RSPO3: variants seen among roughly 807,000 people sequenced by gnomAD.
The protein encoded by RSPO3 is R-spondin 3, also known as R-spondin-3.
Under a neutral mutation model 36.5 loss-of-function variants are expected in RSPO3, and 17 were observed. That is an observed-to-expected ratio of 0.47 (90% confidence interval 0.32 to 0.70). RSPO3 has a LOEUF of 0.70. RSPO3 is among the 30% of genes least tolerant of loss of function. RSPO3 has a pLI of 0.04. For missense variants in RSPO3, 294 were observed against 322.5 expected, an observed-to-expected ratio of 0.91 and a Z score of 0.68; for synonymous variants, 108 against 107.0, an observed-to-expected ratio of 1.01 and a Z score of -0.06.
At chr6:127,120,951 C>G (rs566996069) in intron 1 of RSPO3, among the ~76,000 whole-genome samples, 10 of 152,384 alleles carry the variant, frequency 6.6e-5, no homozygotes, top group African/African-American at 2.2e-4. Flanking sequence ...CTGGCGGTCC[C>G]CGCCTCCTCT....
chr6:127,148,987 C>A, intron 2 of RSPO3, 148 bp downstream of exon 2: 1 of 648,796 alleles, frequency 1.5e-6, no homozygotes, highest in Non-Finnish European at 2.4e-6. Context: ...GGACTTAACC[C>A]TCAGAACCAG....
intron 1 of RSPO3, among the ~76,000 whole-genome samples, chr6:127,130,268 CT>C (rs1233122701): frequency 1.8e-4 from 28 of 152,226 alleles, no homozygotes; most frequent in Middle Eastern, 3.4e-3. Flanking sequence ...TACTCCATCA[CT>C]TTATGTAACG....
Position 127,197,473 on chromosome 6 carries a change from G to T in RSPO3, c.*1466G>T. On this transcript the variant is annotated 3_prime_UTR_variant, in exon 5 of 5. Transcript: ENST00000356698. Reference sequence around the variant, plus strand: ...AAGGCCTCACCAGTGTTTCACAGAGGACACAGCCCACCCCTTGCAGGAGGA... The same window carrying T: ...AAGGCCTCACCAGTGTTTCACAGAGTACACAGCCCACCCCTTGCAGGAGGA... 2 of 1,550,564 alleles carry T rather than the reference G, an allele frequency of 1.3e-6. No individual in the cohort carries two copies. The highest frequency in any genetic ancestry group is 1.7e-6 in the Non-Finnish European group (2 of 1,146,976).
At chr6:127,149,185 A>C (rs1774442918) in intron 2 of RSPO3, among the ~76,000 whole-genome samples, 1 of 152,128 alleles carries the variant, frequency 6.6e-6, no homozygotes, top group Admixed American at 6.6e-5. Context: ...AAATCATTTC[A>C]GCTATTTTGA....
At chr6:127,163,979 T>C (rs1774762539) in intron 4 of RSPO3, among the ~76,000 whole-genome samples, 1 of 152,174 alleles carries the variant, frequency 6.6e-6, no homozygotes, top group East Asian at 1.9e-4. Context: ...CTGCCTTCAT[T>C]CCTCATTGTT....
chr6:127,128,139 T>C (rs1773974199), intron 1 of RSPO3, among the ~76,000 whole-genome samples: 1 of 152,102 alleles, frequency 6.6e-6, no homozygotes, highest in Non-Finnish European at 1.5e-5. Flanking sequence ...ATCAGAATCC[T>C]TCTATGTAAT....
intron 4 of RSPO3, among the ~76,000 whole-genome samples, chr6:127,164,198 G>C (rs1774768762): frequency 6.6e-6 from 1 of 152,070 alleles, no homozygotes. Flanking sequence ...TTGGGGTCCT[G>C]AGATTGGTCT....
At chr6:127,182,987 A>G (rs952804007) in intron 4 of RSPO3, among the ~76,000 whole-genome samples, 1 of 151,972 alleles carries the variant, frequency 6.6e-6, no homozygotes, top group Non-Finnish European at 1.5e-5. Context: ...TTTGACAACC[A>G]TCCCAAGTGC....
At chr6:127,127,210 T>C (rs970466454) in intron 1 of RSPO3, among the ~76,000 whole-genome samples, 1 of 152,108 alleles carries the variant, frequency 6.6e-6, no homozygotes, top group Non-Finnish European at 1.5e-5. Context: ...AACACTGTTT[T>C]CTTAACATAT....
chr6:127,142,382 A>G (rs1774290483), intron 1 of RSPO3, among the ~76,000 whole-genome samples: 1 of 152,208 alleles, frequency 6.6e-6, no homozygotes, highest in Admixed American at 6.5e-5. Context: ...AGACAGCCAA[A>G]TAATTCAAAT....
intron 4 of RSPO3, among the ~76,000 whole-genome samples, chr6:127,179,629 C>T (rs1775140322): frequency 6.6e-6 from 1 of 151,960 alleles, no homozygotes; most frequent in Admixed American, 6.6e-5. Context: ...TTACCAAAAA[C>T]TTAGTGTCCT....
At chr6:127,173,899 A>G (rs548752281) in intron 4 of RSPO3, among the ~76,000 whole-genome samples, 3 of 152,068 alleles carry the variant, frequency 2.0e-5, no homozygotes, top group African/African-American at 7.2e-5. Flanking sequence ...TAACTTTGGA[A>G]GCAAGGGGAA....
chr6:127,197,678 C>A lies in RSPO3; in HGVS notation c.*1671C>A, dbSNP rs913451330. 2.4e-6 allele frequency: 2 copies of A among 829,820 alleles called. No homozygotes were observed. Among genetic ancestry groups the A allele is most frequent in the Admixed American group, 3.0e-5 (1 of 32,984 alleles). The allele number at this position is 829,820 out of a possible 1,614,324, so 51.4% of individuals were successfully genotyped here. A position where few individuals can be genotyped will look rare whatever the true frequency, so the allele number is the denominator to read the frequency against. ...TTATCTCTGGACACCCGTTCTCCAC[C>A]AGTTGTACAGTTCATGTAATCTACT... is the stretch of plus-strand genomic sequence containing the variant. On this transcript the variant is annotated 3_prime_UTR_variant, in exon 5 of 5. Transcript: ENST00000356698.
At chr6:127,166,932 T>A (rs1043937530) in intron 4 of RSPO3, among the ~76,000 whole-genome samples, 20 of 151,960 alleles carry the variant, frequency 1.3e-4, no homozygotes, top group African/African-American at 4.3e-4. Context: ...GGATGCCTAT[T>A]TATATGTTTT....
intron 1 of RSPO3, among the ~76,000 whole-genome samples, chr6:127,122,021 T>C (rs1165409397): frequency 6.6e-6 from 1 of 152,220 alleles, no homozygotes; most frequent in Non-Finnish European, 1.5e-5. Context: ...TCTCTCTTGA[T>C]TTAGTAGGAA....
At chr6:127,130,837 T>G (rs912168255) in intron 1 of RSPO3, among the ~76,000 whole-genome samples, 2 of 151,098 alleles carry the variant, frequency 1.3e-5, no homozygotes. Flanking sequence ...TTATGATGAG[T>G]TTTTTTTTAT....
chr6:127,177,311 C>T (rs1775075518), intron 4 of RSPO3, among the ~76,000 whole-genome samples: 1 of 151,876 alleles, frequency 6.6e-6, no homozygotes, highest in South Asian at 2.1e-4. Context: ...GTATCCAACA[C>T]TCACCAATGT....
intron 4 of RSPO3, among the ~76,000 whole-genome samples, chr6:127,181,871 T>A (rs996049036): frequency 2.6e-5 from 4 of 151,910 alleles, no homozygotes; most frequent in Admixed American, 6.6e-5. Context: ...AGTACATTTT[T>A]GTATTGCTAT....
intron 3 of RSPO3, among the ~76,000 whole-genome samples, chr6:127,153,359 T>G (rs1367919218): frequency 6.6e-6 from 1 of 152,114 alleles, no homozygotes; most frequent in Non-Finnish European, 1.5e-5. Flanking sequence ...TTCATTTTTT[T>G]TAGTGGAAAT....
Sources: allele counts gnomAD v4.1 joint callset (sites outside exome capture counted in the v4.1 genomes callset), GRCh38; gene constraint gnomAD v4.1.1; transcripts MANE v1.5; gene names NCBI Gene and HGNC (gene_info 2026-07-23, HGNC 2026-07-21).